IL17RC: variants seen among roughly 807,000 people sequenced by gnomAD.
The protein encoded by IL17RC is interleukin-17 receptor C.
A neutral mutation model predicts 86.7 loss-of-function variants in IL17RC; 53 were observed. The observed-to-expected ratio is 0.61, with a 90% CI of 0.49 to 0.77. The LOEUF (loss-of-function observed/expected upper bound fraction) is 0.77, where lower values mean the gene tolerates loss of function less well. Among genes scored for constraint, IL17RC ranks in the 30% least tolerant of loss-of-function variants. The probability of loss-of-function intolerance (pLI) is 0.00; values close to 1 mark genes in which losing one functional copy is unlikely to be tolerated. For synonymous variants in IL17RC, 439 were observed against 413.1 expected (o/e 1.06, Z -0.76); for missense variants, 957 against 940.0 (o/e 1.02, Z -0.24).
At chr3:9,921,746 TCCCG>T (rs2083577149) in intron 7 of IL17RC, among the ~76,000 whole-genome samples, 1 of 148,774 alleles carries the variant, frequency 6.7e-6, no homozygotes, top group Non-Finnish European at 1.5e-5. Context: ...TGCCTCAGCC[TCCCG>T]AGTAGCTGGG....
Position 9,917,255 on chromosome 3 carries a change from G to A in IL17RC, c.-61G>A. ...CAGACACGGGCTGACTGGGGTGTCT[G>A]CCCCCCTTGGGGGGGGGCAGCACAG... On this transcript the variant is annotated 5_prime_UTR_variant, in exon 1 of 19. Transcript: ENST00000403601. 7.5e-7 allele frequency: 1 copy of A among 1,331,592 alleles called. No individual in the cohort carries two copies. Among genetic ancestry groups the A allele is most frequent in the Non-Finnish European group, 1.0e-6 (1 of 983,972 alleles). The allele number at this position is 1,331,592 out of a possible 1,614,324, so 82.5% of individuals were successfully genotyped here. A position where few individuals can be genotyped will look rare whatever the true frequency, so the allele number is the denominator to read the frequency against.
chr3:9,926,703 A>G (rs1043105192), intron 9 of IL17RC, among the ~76,000 whole-genome samples: 2 of 151,762 alleles, frequency 1.3e-5, no homozygotes, highest in Admixed American at 6.6e-5. Context: ...GCTCACTGCA[A>G]TCTCTGCCTC....
chr3:9,923,682 T>A (rs1204297114), intron 7 of IL17RC, among the ~76,000 whole-genome samples, 199 bp from the exon 8 acceptor site: 1 of 152,124 alleles, frequency 6.6e-6, no homozygotes, highest in Non-Finnish European at 1.5e-5. Flanking sequence ...ATAGCTCTTC[T>A]CCGACCACAC....
Position 9,928,371 on chromosome 3 carries a change from T to C in IL17RC, c.944T>C (p.Leu315Pro), listed in dbSNP as rs777975867. ...RLQLLTLQSW[L>P]LDAPCSLPAE... ...CAACTGCTGACCCTGCAGAGCTGGC[T>C]GCTGGACGCACCGTGCTCGCTGCCC... The change falls in exon 11 of 19, where the codon CTG becomes CCG. Residue 315 changes from leucine to proline, a missense_variant. By Grantham distance (98) the Leu-to-Pro change is moderately conservative. Coordinates refer to ENST00000403601, the MANE Select transcript of IL17RC (RefSeq NM_153460.4). 1 of 1,605,888 alleles carries C rather than the reference T, an allele frequency of 6.2e-7. No homozygotes were observed. The highest frequency in any genetic ancestry group is 8.5e-7 in the Non-Finnish European group (1 of 1,175,218).
At position 9,933,150 on chromosome 3, in the gene IL17RC, G is replaced by T; in HGVS notation, c.1720G>T (p.Gly574Cys). Residue 574 changes from glycine to cysteine, a missense_variant, in exon 19 of 19, where the codon GGC becomes TGC. Physicochemically the swap from Gly to Cys is radical, Grantham distance 159 (BLOSUM62 -3). Coordinates refer to ENST00000403601, the MANE Select transcript of IL17RC (RefSeq NM_153460.4). ...HAQRRQTLQEGGVVVLLFSPG... is the reference protein window; with the variant it reads ...HAQRRQTLQECGVVVLLFSPG... ...GCAGCGGCGCCAGACCCTGCAGGAG[G>T]GCGGCGTGGTGGTCTTGCTCTTCTC... The T allele has an allele frequency of 6.2e-7, 1 of 1,602,964 alleles. No homozygotes were observed. The highest frequency in any genetic ancestry group is 1.3e-5 in the African/African-American group (1 of 74,708).
At chr3:9,929,526 T>TG in intron 12 of IL17RC, 1 of 388,664 alleles carries the variant, frequency 2.6e-6, no homozygotes, top group South Asian at 3.3e-5. Context: ...AGGGATAAGG[T>TG]GGGACTGGGG....
intron 9 of IL17RC, among the ~76,000 whole-genome samples, chr3:9,926,534 A>T (rs2084092364): frequency 6.6e-6 from 1 of 152,024 alleles, no homozygotes; most frequent in Non-Finnish European, 1.5e-5. Context: ...AGGCAAGCAA[A>T]TCATATCTAA....
At chr3:9,918,948 C>G in intron 5 of IL17RC, 1 of 253,032 alleles carries the variant, frequency 4.0e-6, no homozygotes, top group Non-Finnish European at 7.7e-6. Flanking sequence ...TACTATTTTC[C>G]CCTCCTACCA....
intron 5 of IL17RC, chr3:9,918,938 T>G: frequency 3.7e-6 from 1 of 269,286 alleles, no homozygotes; most frequent in Non-Finnish European, 7.1e-6. Context: ...AGGGTGCTTC[T>G]ACTATTTTCC....
In IL17RC at chr3:9,932,865, G is replaced by A; in HGVS notation, c.1522+7G>A. 1 of 1,577,512 alleles carries A rather than the reference G, an allele frequency of 6.3e-7. No homozygotes were observed. Among genetic ancestry groups the A allele is most frequent in the Non-Finnish European group, 8.6e-7 (1 of 1,165,942 alleles). Reference sequence around the variant, plus strand: ...CAGGACGTCCGCTCGGGGGGTGAGTGGGAGCAAGCGCTGGGCGGAGGGCCG... The same window carrying A: ...CAGGACGTCCGCTCGGGGGGTGAGTAGGAGCAAGCGCTGGGCGGAGGGCCG... On this transcript the variant is annotated splice_region_variant and intron_variant, in intron 18 of 18. Coordinates refer to ENST00000403601, the MANE Select transcript of IL17RC (RefSeq NM_153460.4).
At chr3:9,922,623 C>T (rs965192935) in intron 7 of IL17RC, among the ~76,000 whole-genome samples, 3 of 152,150 alleles carry the variant, frequency 2.0e-5, no homozygotes, top group African/African-American at 7.2e-5. Context: ...GAGCTGGTGT[C>T]AGGGTCAGGG....
chr3:9,923,838 G>A (rs1358852664), intron 7 of IL17RC, 43 bp from the exon 8 acceptor site: 10 of 1,607,534 alleles, frequency 6.2e-6, no homozygotes, highest in Non-Finnish European at 8.5e-6. Context: ...ATGCAGAAGA[G>A]GTGAGGAAGT....
At position 9,930,129 on chromosome 3, in the gene IL17RC, C is replaced by T; in HGVS notation, c.1258C>T (p.Leu420=). The T allele has an allele frequency of 6.2e-7, 1 of 1,614,102 alleles. No homozygotes were observed. Among genetic ancestry groups the T allele is most frequent in the Non-Finnish European group, 8.5e-7 (1 of 1,180,012 alleles). The change falls in exon 14 of 19, where the codon CTA becomes TTA. Residue 420 remains leucine, a synonymous_variant. Transcript: ENST00000403601. The surrounding 1 kb of genome is among the most constrained non-coding windows in gnomAD (Gnocchi z 5.8). ...CTTGGAACCCAGTGGCTGTACTTCA[C>T]TACCCAGCAAAGCCTCCACGGTTAG... ...CALEPSGCTS[L]PSKASTRAAR...
intron 7 of IL17RC, among the ~76,000 whole-genome samples, chr3:9,921,773 C>T (rs1478662258): frequency 2.0e-5 from 3 of 150,352 alleles, no homozygotes; most frequent in African/African-American, 7.3e-5. Context: ...TACAGGCACC[C>T]GCCACCACGC....
In IL17RC at chr3:9,930,764, C is replaced by G; in HGVS notation, c.1339-131C>G. On this transcript the variant is annotated intron_variant, in intron 15 of 18. Transcript: ENST00000403601. The surrounding 1 kb of genome is among the most constrained non-coding windows in gnomAD (Gnocchi z 5.8). ...CAGTGGGCACAGCACAAAGGCAGAG[C>G]AGCTGCAGGAACCTTAGCCGGGAGA... is the stretch of plus-strand genomic sequence containing the variant. 1.2e-6 allele frequency: 1 copy of G among 846,470 alleles called. No homozygotes were observed. Among genetic ancestry groups the G allele is most frequent in the Non-Finnish European group, 2.1e-6 (1 of 484,998 alleles). The allele number at this position is 846,470 out of a possible 1,614,324, so 52.4% of individuals were successfully genotyped here. A position where few individuals can be genotyped will look rare whatever the true frequency, so the allele number is the denominator to read the frequency against.
At chr3:9,928,241 C>T (rs2084286671) in intron 10 of IL17RC, 21 bp downstream of exon 10, 1 of 1,574,894 alleles carries the variant, frequency 6.3e-7, no homozygotes, top group Admixed American at 1.8e-5. Flanking sequence ...CGGCCTGGGG[C>T]TGGGGTTGGG....
Position 9,918,120 on chromosome 3 carries a change from G to A in IL17RC, c.280+45G>A, listed in dbSNP as rs201534495. 167 of 1,540,170 alleles carry A rather than the reference G, an allele frequency of 1.1e-4. No individual in the cohort carries two copies. In the African/African-American group the frequency reaches 1.8e-3, roughly 17 times the overall value. ...ACAGTGCATGTGTACACGTGAGTGT[G>A]TCTGGGGTGGGCATGAGGGCCAGGG... On this transcript the variant is annotated intron_variant, in intron 3 of 18. Transcript: ENST00000403601.
Position 9,930,474 on chromosome 3 carries a change from G to C in IL17RC, c.1338+15G>C. ...AGTGTCTGCAGGTGAGCTGGTGGAA[G>C]AAGGGCCCCACCTCAATGCCTAGGG... On this transcript the variant is annotated intron_variant, in intron 15 of 18. Transcript: ENST00000403601. The surrounding 1 kb of genome is among the most constrained non-coding windows in gnomAD (Gnocchi z 5.8). The C allele has an allele frequency of 6.2e-7, 1 of 1,613,444 alleles. No homozygotes were observed. Among genetic ancestry groups the C allele is most frequent in the Non-Finnish European group, 8.5e-7 (1 of 1,179,532 alleles).
rs1260127690 is a variant in IL17RC at position 9,930,638 on chromosome 3, A to G, written c.1338+179A>G. 3 of 697,228 alleles carry G rather than the reference A, an allele frequency of 4.3e-6. No homozygotes were observed. Among genetic ancestry groups the G allele is most frequent in the Non-Finnish European group, 7.4e-6 (3 of 407,414 alleles). 43.2% of individuals were successfully genotyped at this position (697,228 alleles called of 1,614,324 possible). ...GTTGGCTAGACACCCATAAACAGAT[A>G]ACCACACCTACAGGTGCTAAGTTTT... On this transcript the variant is annotated intron_variant, in intron 15 of 18. Coordinates refer to ENST00000403601, the MANE Select transcript of IL17RC (RefSeq NM_153460.4). The surrounding 1 kb of genome is among the most constrained non-coding windows in gnomAD (Gnocchi z 5.8).
Sources: allele counts gnomAD v4.1 joint callset (sites outside exome capture counted in the v4.1 genomes callset), GRCh38; gene constraint gnomAD v4.1.1; non-coding constraint Gnocchi (gnomAD v3.1); transcripts MANE v1.5; gene names NCBI Gene and HGNC (gene_info 2026-07-23, HGNC 2026-07-21).